RNF157: variants seen among roughly 807,000 people sequenced by gnomAD.
RNF157 encodes E3 ubiquitin ligase RNF157.
A neutral mutation model predicts 88.3 loss-of-function variants in RNF157; 55 were observed. That is an observed-to-expected ratio of 0.62 (90% CI 0.50 to 0.78). The LOEUF (loss-of-function observed/expected upper bound fraction) is 0.78, where lower values mean the gene tolerates loss of function less well. RNF157 is among the 30% of genes least tolerant of loss of function. The pLI is 0.00. For missense variants in RNF157, 788 were observed against 860.8 expected, an observed-to-expected ratio of 0.92 and a Z score of 1.06; for synonymous variants, 334 against 341.2, an observed-to-expected ratio of 0.98 and a Z score of 0.23.
rs71161274 is a variant in RNF157, at chr17:76,210,588, CAAAAAA to C, written c.207+1770_207+1775del. 1.8e-3 allele frequency among the ~76,000 whole-genome samples: 99 copies of C among 53,528 alleles called. 1 individual carries two copies. The highest frequency in any genetic ancestry group is 6.5e-3 in the African/African-American group (84 of 12,826). The allele number at this position is 53,528 out of a possible 152,430, so 35.1% of individuals were successfully genotyped here. ...CTGGGCGACAGAGCCAGACTCCGTC[CAAAAAA>C]AAAAAAAAAAGAAAGAAAGAAAGAA... On this transcript the variant is annotated intron_variant, in intron 2 of 18. Transcript: ENST00000269391.
chr17:76,220,695 C>G (rs1035794503), intron 1 of RNF157, among the ~76,000 whole-genome samples: 18 of 151,874 alleles, frequency 1.2e-4, no homozygotes, highest in Non-Finnish European at 2.5e-4. Context: ...CGCAGTGGCT[C>G]ACGCCTGTAA....
chr17:76,207,856 T>A (rs943655367), intron 2 of RNF157, among the ~76,000 whole-genome samples: 2 of 152,198 alleles, frequency 1.3e-5, no homozygotes, highest in Admixed American at 1.3e-4. Context: ...GCTCAGCAGA[T>A]GGAATTACAC....
In RNF157 at chr17:76,233,382, T is replaced by C. The variant is rs117945910; in HGVS notation, c.88+6771A>G. ...CTTTTGAGGTGGTAATGTTTTTAATTTCGAAGAAATCCAATTTATTATTAT... is the reference window on the plus strand; with the variant it reads ...CTTTTGAGGTGGTAATGTTTTTAATCTCGAAGAAATCCAATTTATTATTAT... On this transcript the variant is annotated intron_variant, in intron 1 of 18. Coordinates refer to ENST00000269391, the MANE Select transcript of RNF157 (RefSeq NM_052916.3). 4.0e-3 allele frequency among the ~76,000 whole-genome samples: 606 copies of C among 152,328 alleles called. 4 individuals are homozygous for C. The highest frequency in any genetic ancestry group is 6.9e-3 in the Non-Finnish European group (468 of 68,028).
chr17:76,166,253 G>A (rs995562212), intron 6 of RNF157, among the ~76,000 whole-genome samples: 4 of 151,518 alleles, frequency 2.6e-5, no homozygotes, highest in East Asian at 1.9e-4. Context: ...GGGATTATAC[G>A]TGTGAGCCAC....
At chr17:76,182,827 TCCTATATATGATATATAG>T (rs974459375) in intron 2 of RNF157, among the ~76,000 whole-genome samples, 5 of 129,972 alleles carry the variant, frequency 3.8e-5, no homozygotes, top group Non-Finnish European at 6.3e-5. Context: ...ATCCTATATA[TCCTATATATGATATATAG>T]GATATATAGG....
rs2068586313 is a variant in RNF157, at chr17:76,146,419, C to T, written c.1922-1066G>A. ...TCTCCCCTGGGAGTCCTCTTCATCTCCTGCCCACAGATGAGCTCCTCCCTC... is the reference window on the plus strand; with the variant it reads ...TCTCCCCTGGGAGTCCTCTTCATCTTCTGCCCACAGATGAGCTCCTCCCTC... On this transcript the variant is annotated intron_variant, in intron 18 of 18. Transcript: ENST00000269391. This position sits in a 1 kb window ranked among gnomAD's most constrained non-coding sequence, Gnocchi z 4.2. The T allele has an allele frequency of 7.1e-6, 7 of 985,510 alleles. No homozygotes were observed. The African/African-American group carries it at 1.2e-4, about 17-fold the overall frequency. The allele number at this position is 985,510 out of a possible 1,614,324, so 61.0% of individuals were successfully genotyped here. A position where few individuals can be genotyped will look rare whatever the true frequency, so the allele number is the denominator to read the frequency against.
intron 2 of RNF157, among the ~76,000 whole-genome samples, chr17:76,192,839 TC>T (rs1486926069): frequency 1.1e-4 from 16 of 147,490 alleles, no homozygotes; most frequent in Non-Finnish European, 1.5e-5. Context: ...CCACTTTCTT[TC>T]CTTTTTTTTT....
chr17:76,234,724 T>C (rs1178926659), intron 1 of RNF157, among the ~76,000 whole-genome samples: 3 of 152,248 alleles, frequency 2.0e-5, no homozygotes, highest in Non-Finnish European at 4.4e-5. Context: ...CTTTTTATTA[T>C]TGAGCATATG....
chr17:76,163,130 A>G (rs190147241), intron 8 of RNF157: 1 of 152,008 alleles, frequency 6.6e-6, no homozygotes, highest in Admixed American at 6.6e-5. Context: ...TGTGTACCCC[A>G]CACCATGAAG....
intron 2 of RNF157, among the ~76,000 whole-genome samples, chr17:76,209,599 C>T (rs1038471857): frequency 6.6e-6 from 1 of 151,902 alleles, no homozygotes; most frequent in South Asian, 2.1e-4. Context: ...AAAGATTGGA[C>T]ATCCCTGATT....
At chr17:76,227,112 T>C (rs1475828014) in intron 1 of RNF157, among the ~76,000 whole-genome samples, 2 of 149,770 alleles carry the variant, frequency 1.3e-5, no homozygotes, top group Non-Finnish European at 2.9e-5. Flanking sequence ...ATAACCTCTT[T>C]TTTTGTTTTT....
intron 3 of RNF157, among the ~76,000 whole-genome samples, chr17:76,168,237 T>C (rs1321046702): frequency 1.3e-5 from 2 of 152,188 alleles, no homozygotes; most frequent in Non-Finnish European, 2.9e-5. Flanking sequence ...TTTCCTACTA[T>C]GGAAACAAGG....
At chr17:76,229,616 C>T (rs902864444) in intron 1 of RNF157, among the ~76,000 whole-genome samples, 23 of 152,296 alleles carry the variant, frequency 1.5e-4, no homozygotes, top group African/African-American at 4.8e-4. Context: ...GCCTCAAACT[C>T]AATAACCTTT....
intron 1 of RNF157, among the ~76,000 whole-genome samples, chr17:76,222,171 C>G (rs1947909769): frequency 6.6e-6 from 1 of 152,284 alleles, no homozygotes; most frequent in South Asian, 2.1e-4. Context: ...CATGAAGCAA[C>G]CCCGTCTCTA....
rs55846908 is a variant in RNF157 at position 76,168,770 on chromosome 17, C to T, written c.297-973G>A. ...GTGGAGCACGTGTCCTGCCAGCTTC[C>T]TGAAAAAGGGTGTGTTGGGAAATAA... is the stretch of plus-strand genomic sequence containing the variant. On this transcript the variant is annotated intron_variant, in intron 3 of 18. Transcript: ENST00000269391. Among the ~76,000 whole-genome samples the T allele has an allele frequency of 8.5e-3, 1,291 of 152,258 alleles. 24 individuals are homozygous for T. The highest frequency in any genetic ancestry group is 0.029 in the African/African-American group (1,187 of 41,524).
At chr17:76,204,773 T>TCTTC (rs1433878746) in intron 2 of RNF157, among the ~76,000 whole-genome samples, 24 of 147,708 alleles carry the variant, frequency 1.6e-4, no homozygotes, top group African/African-American at 6.4e-4. Flanking sequence ...TTCTTTTCTT[T>TCTTC]CTTTCTTTCT....
intron 2 of RNF157, among the ~76,000 whole-genome samples, chr17:76,182,481 G>GTGTGTA (rs2069205973): frequency 6.7e-6 from 1 of 150,312 alleles, no homozygotes; most frequent in Non-Finnish European, 1.5e-5. Flanking sequence ...GTGTGTGTGT[G>GTGTGTA]TATCAATCAC....
In RNF157 at chr17:76,156,202, T is replaced by C. The variant is rs765953783; in HGVS notation, c.1525+8A>G. ...AGGACATGCAGCCACTCCCCGCTCC[T>C]TATGTACCTTCTGGGGAGGAAATAG... On this transcript the variant is annotated splice_region_variant and intron_variant, in intron 14 of 18. Coordinates refer to ENST00000269391, the MANE Select transcript of RNF157 (RefSeq NM_052916.3). 1 of 1,608,006 alleles carries C rather than the reference T, an allele frequency of 6.2e-7. No homozygotes were observed. Among genetic ancestry groups the C allele is most frequent in the East Asian group, 2.2e-5 (1 of 44,842 alleles).
chr17:76,220,349 G>A (rs1415708731), intron 1 of RNF157, among the ~76,000 whole-genome samples: 2 of 141,662 alleles, frequency 1.4e-5, no homozygotes, highest in Admixed American at 1.5e-4. Flanking sequence ...ATAAGGGCAA[G>A]GAATAAGTCT....
Sources: gnomAD v4.1 joint callset for allele counts (sites outside exome capture counted in the v4.1 genomes callset) on GRCh38, gnomAD v4.1.1 for gene constraint, Gnocchi (gnomAD v3.1) non-coding constraint, MANE v1.5 for transcripts, NCBI Gene and HGNC (gene_info 2026-07-23, HGNC 2026-07-21) for gene names.